WDR20: variants seen among roughly 807,000 people sequenced by gnomAD.
WDR20 encodes WD repeat-containing protein 20.
In WDR20, 3 loss-of-function variants were observed where a neutral mutation model predicts 38.7. The observed-to-expected ratio is 0.08, with a 90% CI of 0.04 to 0.20. The LOEUF is 0.20. Among genes scored for constraint, WDR20 ranks in the 10% least tolerant of loss-of-function variants. The probability of loss-of-function intolerance (pLI) is 1.00; values close to 1 mark genes in which losing one functional copy is unlikely to be tolerated. For synonymous variants in WDR20, 298 were observed against 285.6 expected, an observed-to-expected ratio of 1.04 and a Z score of -0.44; for missense variants, 559 against 727.7, an observed-to-expected ratio of 0.77 and a Z score of 2.67.
At chr14:102,169,816 C>T (rs1398208254) in intron 1 of WDR20, among the ~76,000 whole-genome samples, 1 of 152,210 alleles carries the variant, frequency 6.6e-6, no homozygotes, top group Non-Finnish European at 1.5e-5. Context: ...GAGTGAGCCA[C>T]CGCGCCCGGC....
intron 1 of WDR20, among the ~76,000 whole-genome samples, chr14:102,161,148 T>A (rs1317123454): frequency 7.1e-3 from 131 of 18,452 alleles, no homozygotes; most frequent in East Asian, 0.024. Flanking sequence ...ATATATTTTT[T>A]TTTTTTTTTT....
intron 1 of WDR20, among the ~76,000 whole-genome samples, chr14:102,165,159 C>T (rs1054747505): frequency 3.9e-5 from 6 of 152,066 alleles, no homozygotes; most frequent in African/African-American, 1.2e-4. Context: ...GCTCTCCCCT[C>T]CTCAGCTCCA....
chr14:102,153,192 C>A (rs1178754689), intron 1 of WDR20, among the ~76,000 whole-genome samples: 1 of 152,158 alleles, frequency 6.6e-6, no homozygotes, highest in South Asian at 2.1e-4. Flanking sequence ...TGCCTGCCCC[C>A]CCTTCACCTT....
chr14:102,213,025 G>C, downstream of WDR20: 1 of 990,122 alleles, frequency 1.0e-6, no homozygotes, highest in South Asian at 4.6e-5. Context: ...CTCCCACCCG[G>C]CAAGGGGGCG....
intron 1 of WDR20, among the ~76,000 whole-genome samples, chr14:102,154,470 A>G (rs529003882): frequency 2.6e-5 from 4 of 152,176 alleles, no homozygotes; most frequent in African/African-American, 4.8e-5. Context: ...AATCACCCAG[A>G]AGCCCCTACC....
At chr14:102,214,411 G>A (rs2062953404), downstream of WDR20, 4 of 985,422 alleles carry the variant, frequency 4.1e-6, no homozygotes, top group African/African-American at 1.7e-5. Context: ...AAAAGCACTC[G>A]TATGCAACTG....
chr14:102,202,049 T>G, intron 2 of WDR20, among the ~76,000 whole-genome samples: 1 of 151,906 alleles, frequency 6.6e-6, no homozygotes, highest in Admixed American at 6.6e-5. Context: ...GCAGGTCTCT[T>G]CCCTGTCCCT....
At chr14:102,194,549 G>A (rs898775725) in intron 1 of WDR20, among the ~76,000 whole-genome samples, 23 of 152,206 alleles carry the variant, frequency 1.5e-4, no homozygotes, top group Non-Finnish European at 2.4e-4. Flanking sequence ...TGGGCATGTA[G>A]GTGCTGTAGA....
At chr14:102,176,251 C>T (rs1273441420) in intron 1 of WDR20, among the ~76,000 whole-genome samples, 2 of 151,770 alleles carry the variant, frequency 1.3e-5, no homozygotes, top group African/African-American at 2.4e-5. Context: ...AAAAATTAGC[C>T]GGGCGTGGTG....
chr14:102,171,352 C>T (rs1440085048), intron 1 of WDR20: 3 of 147,784 alleles, frequency 2.0e-5, no homozygotes, highest in African/African-American at 7.4e-5. Flanking sequence ...TGACCTCAAG[C>T]TCTTTGGCTC....
chr14:102,172,715 C>G (rs1566908600), intron 1 of WDR20, among the ~76,000 whole-genome samples: 2 of 141,250 alleles, frequency 1.4e-5, no homozygotes, highest in East Asian at 2.0e-4. Flanking sequence ...CGGGGGCTGA[C>G]CCCCACCTCC....
chr14:102,175,066 G>A (rs1170687073), intron 1 of WDR20, among the ~76,000 whole-genome samples: 2 of 152,094 alleles, frequency 1.3e-5, no homozygotes, highest in African/African-American at 4.8e-5. Context: ...ATTTAATTAA[G>A]TCCCATGTAT....
chr14:102,196,149 C>A (rs1430612525), intron 2 of WDR20, among the ~76,000 whole-genome samples: 1 of 152,092 alleles, frequency 6.6e-6, no homozygotes, highest in Non-Finnish European at 1.5e-5. Context: ...ATGGTACTTG[C>A]TATTCATGCA....
At chr14:102,150,047 A>G (rs983831618) in intron 1 of WDR20, among the ~76,000 whole-genome samples, 6 of 152,220 alleles carry the variant, frequency 3.9e-5, no homozygotes, top group Admixed American at 2.0e-4. Flanking sequence ...TTCTAAAAAC[A>G]TGCCAAATCA....
In WDR20 at chr14:102,208,450, G is replaced by A. The variant is rs535270243; in HGVS notation, c.433-153G>A. Reference sequence around the variant, plus strand: ...TAAATTACCCCAAAAGGGCCAAAACGCTCCTTGCTGGCTTGGCTGACTGCA... The same window carrying A: ...TAAATTACCCCAAAAGGGCCAAAACACTCCTTGCTGGCTTGGCTGACTGCA... On this transcript the variant is annotated intron_variant, in intron 2 of 2. Transcript: ENST00000342702. This position sits in a 1 kb window ranked among gnomAD's most constrained non-coding sequence, Gnocchi z 5.6. Among the ~76,000 whole-genome samples the A allele has an allele frequency of 2.6e-5, 4 of 152,312 alleles. No homozygotes were observed. The highest frequency in any genetic ancestry group is 5.9e-5 in the Non-Finnish European group (4 of 68,026).
intron 1 of WDR20, among the ~76,000 whole-genome samples, chr14:102,178,562 A>C (rs1566934000): frequency 4.6e-5 from 7 of 151,956 alleles, no homozygotes. Flanking sequence ...AACTTGTGGC[A>C]ATGAAGATTC....
At chr14:102,182,903 G>C (rs979734044) in intron 1 of WDR20, among the ~76,000 whole-genome samples, 1 of 151,602 alleles carries the variant, frequency 6.6e-6, no homozygotes, top group Non-Finnish European at 1.5e-5. Context: ...TATATATACA[G>C]GTGGTGCATA....
At chr14:102,151,372 T>C (rs949167998) in intron 1 of WDR20, among the ~76,000 whole-genome samples, 2 of 151,890 alleles carry the variant, frequency 1.3e-5, no homozygotes, top group Non-Finnish European at 2.9e-5. Context: ...AAAAAGTAAT[T>C]AGGAGGTGTT....
chr14:102,149,981 C>T (rs575093983), intron 1 of WDR20, among the ~76,000 whole-genome samples: 99 of 152,310 alleles, frequency 6.5e-4, no homozygotes, highest in African/African-American at 2.1e-3. Flanking sequence ...GCATGAGCCA[C>T]CGCACCCAGA....
Sources: allele counts gnomAD v4.1 joint callset (sites outside exome capture counted in the v4.1 genomes callset), GRCh38; gene constraint gnomAD v4.1.1; non-coding constraint Gnocchi (gnomAD v3.1); transcripts MANE v1.5; gene names NCBI Gene and HGNC (gene_info 2026-07-23, HGNC 2026-07-21).